Variants in CLSTN2 observed in about 807,000 individuals in gnomAD.
CLSTN2 encodes the protein calsyntenin-2.
In CLSTN2, 48 loss-of-function variants were observed where a neutral mutation model predicts 101.2. The observed-to-expected ratio is 0.47, with a 90% CI of 0.38 to 0.60. CLSTN2 has a LOEUF of 0.60. Among genes scored for constraint, CLSTN2 ranks in the 20% least tolerant of loss-of-function variants. The pLI, the probability that CLSTN2 is intolerant of heterozygous loss-of-function variation, is 0.00. For synonymous variants in CLSTN2, 481 were observed against 463.6 expected (o/e 1.04, Z -0.48); for missense variants, 1,160 against 1,238.2 (o/e 0.94, Z 0.95).
chr3:140,399,346 G>A (rs1265710252), intron 2 of CLSTN2, among the ~76,000 whole-genome samples: 1 of 152,320 alleles, frequency 6.6e-6, no homozygotes, highest in Non-Finnish European at 1.5e-5. Context: ...ACAGCCTAAT[G>A]TGTCTTACAC....
At chr3:140,489,860 A>G (rs1934308432) in intron 8 of CLSTN2, among the ~76,000 whole-genome samples, 1 of 151,250 alleles carries the variant, frequency 6.6e-6, no homozygotes, top group South Asian at 2.1e-4. Flanking sequence ...CAGGAAATAG[A>G]AACGCTGAGT....
At chr3:140,436,462 A>G (rs890743352) in intron 5 of CLSTN2, among the ~76,000 whole-genome samples, 1 of 152,240 alleles carries the variant, frequency 6.6e-6, no homozygotes, top group African/African-American at 2.4e-5. Context: ...AAGTAAGTAG[A>G]TCGAACTGTC....
chr3:140,131,893 C>T (rs1397767449), intron 1 of CLSTN2, among the ~76,000 whole-genome samples: 4 of 152,060 alleles, frequency 2.6e-5, no homozygotes, highest in Admixed American at 2.0e-4. Context: ...TGACCAGTAT[C>T]TTATCTGAAC....
chr3:140,445,133 C>G (rs921744093), intron 5 of CLSTN2, among the ~76,000 whole-genome samples: 3 of 152,196 alleles, frequency 2.0e-5, no homozygotes, highest in African/African-American at 7.2e-5. Flanking sequence ...TTGTGATGTT[C>G]CTAAAACTCT....
intron 5 of CLSTN2, among the ~76,000 whole-genome samples, chr3:140,426,687 T>G (rs971326388): frequency 6.6e-6 from 1 of 152,200 alleles, no homozygotes; most frequent in Non-Finnish European, 1.5e-5. Flanking sequence ...GTTTTGAATG[T>G]TGTCCTCCTA....
At chr3:139,957,213 T>C (rs917512186) in intron 1 of CLSTN2, among the ~76,000 whole-genome samples, 1 of 152,028 alleles carries the variant, frequency 6.6e-6, no homozygotes, top group African/African-American at 2.4e-5. Context: ...CTCTCCAGCC[T>C]CATCTCTGCC....
rs76908612 is a variant in CLSTN2 at position 140,236,586 on chromosome 3, G to A, written c.232+60513G>A. Among the ~76,000 whole-genome samples, 770 of 152,192 alleles carry A rather than the reference G, an allele frequency of 5.1e-3. 11 individuals are homozygous for A. Among genetic ancestry groups the A allele is most frequent in the East Asian group, 0.047 (245 of 5,178 alleles). On this transcript the variant is annotated intron_variant, in intron 2 of 16. Transcript: ENST00000458420. ...TCCTGCCTCCACTCCCGTTTTCTAA[G>A]GATTCAGTTATATGTATGTTAGGCT...
chr3:140,077,927 C>CTT (rs2008520102), intron 1 of CLSTN2, among the ~76,000 whole-genome samples: 1 of 152,134 alleles, frequency 6.6e-6, no homozygotes, highest in Admixed American at 6.5e-5. Context: ...ATTATTAAGG[C>CTT]TTGAAGTTCC....
At chr3:140,295,890 G>A (rs1207704788) in intron 2 of CLSTN2, among the ~76,000 whole-genome samples, 1 of 152,162 alleles carries the variant, frequency 6.6e-6, no homozygotes, top group Admixed American at 6.5e-5. Flanking sequence ...TTATATGCCT[G>A]TAATACTTTA....
rs751927370 is a variant in CLSTN2, at chr3:140,571,283, C to A, written c.*5030C>A. 1 of 152,134 alleles carries A rather than the reference C, an allele frequency of 6.6e-6. No individual in the cohort carries two copies. The highest frequency in any genetic ancestry group is 1.5e-5 in the Non-Finnish European group (1 of 68,026). The allele number at this position is 152,134 out of a possible 1,614,324, so 9.4% of individuals were successfully genotyped here. A position where few individuals can be genotyped will look rare whatever the true frequency, so the allele number is the denominator to read the frequency against. Reference sequence around the variant, plus strand: ...ATAGCAACATCATCAGTAGAAAGCCCGACCAAGCACACTTCGAAATTAGCA... The same window carrying A: ...ATAGCAACATCATCAGTAGAAAGCCAGACCAAGCACACTTCGAAATTAGCA... On this transcript the variant is annotated 3_prime_UTR_variant, in exon 17 of 17. Coordinates refer to ENST00000458420, the MANE Select transcript of CLSTN2 (RefSeq NM_022131.3).
Position 140,303,284 on chromosome 3 carries a change from C to G in CLSTN2, c.233-100345C>G, listed in dbSNP as rs74772609. Among the ~76,000 whole-genome samples the G allele has an allele frequency of 3.3e-5, 5 of 152,322 alleles. No individual in the cohort carries two copies. In the East Asian group the frequency reaches 9.7e-4, roughly 29 times the overall value. On this transcript the variant is annotated intron_variant, in intron 2 of 16. Coordinates refer to ENST00000458420, the MANE Select transcript of CLSTN2 (RefSeq NM_022131.3). ...CAGAGGAGGCCAAGATGTGGTCTCTCTCATTCAGGGACATGCATCATCTTT... is the reference window on the plus strand; with the variant it reads ...CAGAGGAGGCCAAGATGTGGTCTCTGTCATTCAGGGACATGCATCATCTTT...
Position 140,466,709 on chromosome 3 carries a change from A to G in CLSTN2, c.1322A>G (p.Glu441Gly). ...FDQADTFRPA[E>G]FHWKLDQICD... ...CAGGCTGACACCTTTCGCCCCGCGG[A>G]GTTCCACTGGAAGCTGGATCAGGTA... The change falls in exon 8 of 17, where the codon GAG (glutamate) becomes GGG (glycine). Residue 441 changes from glutamate to glycine, a missense_variant. By Grantham distance (98) the Glu-to-Gly change is moderately conservative. Transcript: ENST00000458420. 1.2e-6 allele frequency: 2 copies of G among 1,614,002 alleles called. No individual in the cohort carries two copies. Among genetic ancestry groups the G allele is most frequent in the Non-Finnish European group, 1.7e-6 (2 of 1,179,992 alleles).
chr3:140,440,837 T>G (rs2088755777), intron 5 of CLSTN2, among the ~76,000 whole-genome samples: 1 of 152,206 alleles, frequency 6.6e-6, no homozygotes, highest in African/African-American at 2.4e-5. Context: ...ATGCCCAAGG[T>G]TGCTCAGCTG....
At position 140,041,758 on chromosome 3, in the gene CLSTN2, G is replaced by A. The variant is rs75550960; in HGVS notation, c.109+106275G>A. 4.9e-3 allele frequency among the ~76,000 whole-genome samples: 751 copies of A among 152,210 alleles called. 18 individuals carry two copies. The East Asian group carries it at 0.059, about 12-fold the overall frequency. ...TGTGTCATTGTGGACCATGAGTGTC[G>A]TTGCTTCTCTCAACCCATCAGGCAA... On this transcript the variant is annotated intron_variant, in intron 1 of 16. Coordinates refer to ENST00000458420, the MANE Select transcript of CLSTN2 (RefSeq NM_022131.3).
At chr3:140,415,509 AAC>A (rs1175447874) in intron 4 of CLSTN2, among the ~76,000 whole-genome samples, 19 of 145,952 alleles carry the variant, frequency 1.3e-4, no homozygotes, top group East Asian at 2.0e-4. Context: ...AAAAAAAAAA[AAC>A]AAACTGATTT....
intron 1 of CLSTN2, among the ~76,000 whole-genome samples, chr3:140,169,704 T>C (rs931219962): frequency 6.6e-6 from 1 of 152,222 alleles, no homozygotes; most frequent in Non-Finnish European, 1.5e-5. Context: ...AGACTTTTTT[T>C]CTCATTTTAT....
chr3:140,025,466 G>A (rs2007399442), intron 1 of CLSTN2, among the ~76,000 whole-genome samples: 1 of 152,164 alleles, frequency 6.6e-6, no homozygotes. Context: ...CTTTCCGTCT[G>A]TAGAAAGGAA....
chr3:140,392,325 A>ATGTT (rs2088124288), intron 2 of CLSTN2, among the ~76,000 whole-genome samples: 1 of 151,942 alleles, frequency 6.6e-6, no homozygotes, highest in African/African-American at 2.4e-5. Flanking sequence ...TGTTAATGAG[A>ATGTT]AATTTTCTAT....
At chr3:140,382,107 G>T (rs1384567163) in intron 2 of CLSTN2, among the ~76,000 whole-genome samples, 2 of 152,038 alleles carry the variant, frequency 1.3e-5, no homozygotes, top group African/African-American at 4.8e-5. Flanking sequence ...TCTCTAATTT[G>T]TCTGCCTAAT....
Sources: allele counts gnomAD v4.1 joint callset (sites outside exome capture counted in the v4.1 genomes callset), GRCh38; gene constraint gnomAD v4.1.1; transcripts MANE v1.5; gene names NCBI Gene and HGNC (gene_info 2026-07-23, HGNC 2026-07-21).